The following DACH1 variants were observed in gnomAD, a reference collection of about 807,000 sequenced individuals.
DACH1 encodes dachshund family transcription factor 1, also known as dachshund homolog 1.
In DACH1, 12 loss-of-function variants were observed where a neutral mutation model predicts 54.2. The ratio of observed to expected loss-of-function variants is 0.22; its 90% CI spans 0.14 to 0.36. DACH1 has a LOEUF of 0.36. Ranked by LOEUF, DACH1 falls within the 10% of genes least tolerant of loss-of-function variation. DACH1 has a pLI of 1.00. For missense variants in DACH1, 805 were observed against 929.8 expected, an observed-to-expected ratio of 0.87 and a Z score of 1.75; for synonymous variants, 386 against 366.2, an observed-to-expected ratio of 1.05 and a Z score of -0.62.
intron 1 of DACH1, among the ~76,000 whole-genome samples, chr13:71,722,236 T>TC (rs1479598401): frequency 2.6e-5 from 4 of 152,218 alleles, no homozygotes; most frequent in African/African-American, 9.6e-5. Flanking sequence ...TTTGTTTTCT[T>TC]ACTAACTCCC....
intron 3 of DACH1, among the ~76,000 whole-genome samples, chr13:71,621,752 GGCACT>G (rs1379456425): frequency 1.3e-5 from 2 of 152,178 alleles, no homozygotes; most frequent in African/African-American, 4.8e-5. Context: ...TGGTCTGCGA[GGCACT>G]GCTGCAGCGA....
chr13:71,494,760 A>C (rs1322619144), intron 6 of DACH1, among the ~76,000 whole-genome samples: 1 of 152,078 alleles, frequency 6.6e-6, no homozygotes, highest in African/African-American at 2.4e-5. Context: ...TTATAACAAC[A>C]TACAGTCAAT....
At chr13:71,830,214 A>G (rs1019222660) in intron 1 of DACH1, among the ~76,000 whole-genome samples, 11 of 151,880 alleles carry the variant, frequency 7.2e-5, no homozygotes, top group South Asian at 4.1e-4. Context: ...AATCAAATTT[A>G]TCTTATTTAT....
intron 2 of DACH1, among the ~76,000 whole-genome samples, chr13:71,653,241 C>G (rs1228044057): frequency 6.6e-6 from 1 of 152,206 alleles, no homozygotes; most frequent in Non-Finnish European, 1.5e-5. Flanking sequence ...AAGAAACACA[C>G]TCTTCCAAAT....
At chr13:71,669,604 A>T (rs1880088455) in intron 2 of DACH1, among the ~76,000 whole-genome samples, 1 of 152,216 alleles carries the variant, frequency 6.6e-6, no homozygotes, top group Admixed American at 6.5e-5. Context: ...GTCTTCCACA[A>T]AACCAGTCCC....
intron 10 of DACH1, among the ~76,000 whole-genome samples, chr13:71,473,416 A>C (rs972000759): frequency 6.6e-6 from 1 of 152,156 alleles, no homozygotes; most frequent in East Asian, 1.9e-4. Context: ...TGTGATTAAA[A>C]CTTTTCTTCA....
intron 1 of DACH1, among the ~76,000 whole-genome samples, chr13:71,688,234 G>T (rs965562764): frequency 6.6e-6 from 1 of 152,146 alleles, no homozygotes; most frequent in African/African-American, 2.4e-5. Flanking sequence ...GGATATAAAG[G>T]ACTTCCTAAG....
At chr13:71,797,135 A>C (rs1887089055) in intron 1 of DACH1, among the ~76,000 whole-genome samples, 1 of 152,106 alleles carries the variant, frequency 6.6e-6, no homozygotes, top group Non-Finnish European at 1.5e-5. Flanking sequence ...ATAATGGTAG[A>C]AATCTTTAGT....
intron 1 of DACH1, among the ~76,000 whole-genome samples, chr13:71,725,289 A>G (rs1883419578): frequency 6.6e-6 from 1 of 152,116 alleles, no homozygotes. Flanking sequence ...CTACGGATTC[A>G]GCTGAGTTTC....
intron 1 of DACH1, among the ~76,000 whole-genome samples, chr13:71,813,217 A>C (rs1887785999): frequency 6.6e-6 from 1 of 152,214 alleles, no homozygotes; most frequent in Admixed American, 6.5e-5. Context: ...AGTAGTTAGA[A>C]CTATTATTTA....
At chr13:71,572,707 A>AC (rs1885288811) in intron 4 of DACH1, 133 bp downstream of exon 4, 2 of 984,850 alleles carry the variant, frequency 2.0e-6, no homozygotes, top group Non-Finnish European at 2.9e-6. Context: ...GCTACAAGTG[A>AC]TTTTTTTTAA....
chr13:71,688,979 T>C (rs1164671680), intron 1 of DACH1, among the ~76,000 whole-genome samples: 1 of 152,226 alleles, frequency 6.6e-6, no homozygotes, highest in Non-Finnish European at 1.5e-5. Context: ...TTAATATGCA[T>C]TACAAATTTC....
At chr13:71,592,782 A>C (rs1188930360) in intron 3 of DACH1, among the ~76,000 whole-genome samples, 1 of 152,124 alleles carries the variant, frequency 6.6e-6, no homozygotes. Context: ...GAGAAAAAGC[A>C]ATCTTCCTCC....
At chr13:71,762,592 C>A (rs1361416458) in intron 1 of DACH1, among the ~76,000 whole-genome samples, 2 of 151,590 alleles carry the variant, frequency 1.3e-5, no homozygotes, top group African/African-American at 4.8e-5. Context: ...CATGGAGAAA[C>A]CCCGTCTCTA....
chr13:71,666,597 C>T (rs988889599), intron 2 of DACH1, among the ~76,000 whole-genome samples: 4 of 151,956 alleles, frequency 2.6e-5, no homozygotes, highest in Admixed American at 1.3e-4. Flanking sequence ...ATGTAATAAT[C>T]AGTAATGAAA....
chr13:71,595,788 A>G (rs1441483163), intron 3 of DACH1, among the ~76,000 whole-genome samples: 1 of 152,108 alleles, frequency 6.6e-6, no homozygotes, highest in Non-Finnish European at 1.5e-5. Context: ...TTAGGAGAGC[A>G]CAAACCCCAT....
At chr13:71,523,540 G>A (rs1156818467) in intron 6 of DACH1, among the ~76,000 whole-genome samples, 1 of 152,068 alleles carries the variant, frequency 6.6e-6, no homozygotes, top group Non-Finnish European at 1.5e-5. Context: ...AAGATTATAG[G>A]ATGATAAGTT....
At chr13:71,762,671 G>A (rs1885451058) in intron 1 of DACH1, among the ~76,000 whole-genome samples, 1 of 148,858 alleles carries the variant, frequency 6.7e-6, no homozygotes, top group Non-Finnish European at 1.5e-5. Flanking sequence ...GGAAGCTGAG[G>A]CAAGAGAATT....
At chr13:71,526,492 G>C (rs577264659) in intron 6 of DACH1, among the ~76,000 whole-genome samples, 1 of 152,020 alleles carries the variant, frequency 6.6e-6, no homozygotes, top group Admixed American at 6.6e-5. Flanking sequence ...ATATCTTCTG[G>C]TATCTATTTC....
Sources: allele counts gnomAD v4.1 joint callset (sites outside exome capture counted in the v4.1 genomes callset), GRCh38; gene constraint gnomAD v4.1.1; transcripts MANE v1.5; gene names NCBI Gene and HGNC (gene_info 2026-07-23, HGNC 2026-07-21).